Variants in MICALL2 observed in about 807,000 individuals in gnomAD.
MICALL2 encodes MICAL like 2.
A neutral mutation model predicts 91.1 loss-of-function variants in MICALL2; 111 were observed. That is an observed-to-expected ratio of 1.22 (90% CI 1.04 to 1.43). The LOEUF (loss-of-function observed/expected upper bound fraction) is 1.43. MICALL2 is among the 40% of genes most tolerant of loss of function. MICALL2 has a pLI of 0.00. For missense variants in MICALL2, 1,556 were observed against 1,236.0 expected (o/e 1.26, Z -3.88); for synonymous variants, 694 against 525.3 (o/e 1.32, Z -4.39).
At position 1,448,636 on chromosome 7, in the gene MICALL2, G is replaced by T; in HGVS notation, c.318C>A (p.Phe106Leu). ...LTYVSQYYNY[F>L]HGRSPIGGMA... ...GGGACTCACTGGGGGAGCGGCCGTG[G>T]AAGTAGTTGTAATACTGGGACACGT... The change falls in exon 3 of 17, where the codon TTC (phenylalanine) becomes TTA (leucine). Residue 106 changes from phenylalanine to leucine, a missense_variant. Physicochemically the swap from Phe to Leu is conservative, Grantham distance 22. Transcript: ENST00000297508. 1 of 1,612,674 alleles carries T rather than the reference G, an allele frequency of 6.2e-7. No individual in the cohort carries two copies.
In MICALL2 at chr7:1,445,247, T is replaced by C. The variant is rs1243408808; in HGVS notation, c.823A>G (p.Lys275Glu). The C allele has an allele frequency of 1.2e-6, 2 of 1,612,328 alleles. No homozygotes were observed. Among genetic ancestry groups the C allele is most frequent in the Admixed American group, 3.3e-5 (2 of 59,990 alleles). ...VDSRTSCSPQ[K>E]AQEANKARPS... ...CTGGCCTTGTTTGCCTCCTGGGCCT[T>C]CTGTGGGGAACAGGAGGTCCTGGAA... Residue 275 changes from lysine (K) to glutamate (E), a missense_variant, in exon 6 of 17, where the codon AAG becomes GAG. Transcript: ENST00000297508.
chr7:1,439,836 T>C, intron 9 of MICALL2, 89 bp downstream of exon 9: 4 of 1,156,314 alleles, frequency 3.5e-6, no homozygotes, highest in South Asian at 2.1e-5. Context: ...CCCCAGGAGG[T>C]GGCACTACAG....
intron 5 of MICALL2, among the ~76,000 whole-genome samples, chr7:1,445,642 G>A (rs1424558030): frequency 2.0e-5 from 3 of 152,090 alleles, no homozygotes; most frequent in Non-Finnish European, 4.4e-5. Flanking sequence ...TTCAACAAAC[G>A]CCTCTTCTCA....
At chr7:1,450,095 CG>C in intron 2 of MICALL2, 144 bp downstream of exon 2, 1 of 693,966 alleles carries the variant, frequency 1.4e-6, no homozygotes, top group South Asian at 1.7e-5. Context: ...GACGCGTTGC[CG>C]GGCTGGTCAG....
At position 1,438,166 on chromosome 7, in the gene MICALL2, C is replaced by T. The variant is rs947046267; in HGVS notation, c.2242G>A (p.Glu748Lys). ...EEIQRQLQDI[E>K]RRLDALELRG... ...AGCTCCAGGGCGTCCAGCCGCCTCT[C>T]GATGTCCTGCAGCTGCCTCTGTATC... The change falls in exon 12 of 17, where the codon GAG becomes AAG. Residue 748 changes from glutamate (E) to lysine (K), a missense_variant. Transcript: ENST00000297508. 16 of 1,566,264 alleles carry T rather than the reference C, an allele frequency of 1.0e-5. No individual in the cohort carries two copies. The highest frequency in any genetic ancestry group is 4.1e-5 in the African/African-American group (3 of 73,992).
intron 9 of MICALL2, 73 bp downstream of exon 9, chr7:1,439,852 G>T: frequency 1.5e-6 from 2 of 1,310,712 alleles, no homozygotes; most frequent in Non-Finnish European, 2.0e-6. Context: ...TACAGGTCCA[G>T]TCCCGGGGCC....
In MICALL2 at chr7:1,440,010, G is replaced by A. The variant is rs200214323; in HGVS notation, c.1881C>T (p.Ser627=). 6.4e-6 allele frequency: 10 copies of A among 1,556,690 alleles called. No individual in the cohort carries two copies. The African/African-American group carries it at 1.4e-4, about 22-fold the overall frequency. The change falls in exon 9 of 17, where the codon AGC becomes AGT. Residue 627 remains serine (S), a synonymous_variant. Coordinates refer to ENST00000297508, the MANE Select transcript of MICALL2 (RefSeq NM_182924.4). ...GGGTGATGTGGACACTCCCAGCAAA[G>A]CTGCCTGAGACCTTCCTGGGGGCCT... is the stretch of plus-strand genomic sequence containing the variant. The part of the protein sequence containing the change: ...AGEAPRKVSG[S]FAGSVHITLT...
intron 3 of MICALL2, 25 bp downstream of exon 3, chr7:1,448,595 C>T (rs907975876): frequency 1.2e-6 from 2 of 1,611,292 alleles, no homozygotes; most frequent in Admixed American, 3.3e-5. Context: ...TCCTGCCTGG[C>T]TCGGCGGGCG....
intron 1 of MICALL2, among the ~76,000 whole-genome samples, chr7:1,458,382 G>A (rs949416007): frequency 1.3e-5 from 2 of 152,220 alleles, no homozygotes; most frequent in Non-Finnish European, 2.9e-5. Context: ...CTGGGCTGCA[G>A]GTGGCCGTTG....
rs761423166 is a variant in MICALL2 at position 1,445,370 on chromosome 7, C to T, written c.700G>A (p.Gly234Ser). Reference sequence around the variant, plus strand: ...AGGTGGCTGGTGCAGACGAAGGTGCCCGGCTCTCCTGTGGCCTTGTAGGCC... The same window carrying T: ...AGGTGGCTGGTGCAGACGAAGGTGCTCGGCTCTCCTGTGGCCTTGTAGGCC... ...SGAYKATGEPGTFVCTSHLPA... is the reference protein window; with the variant it reads ...SGAYKATGEPSTFVCTSHLPA... The change falls in exon 6 of 17, where the codon GGC becomes AGC. Residue 234 changes from glycine (G) to serine (S), a missense_variant. Transcript: ENST00000297508. The T allele has an allele frequency of 6.3e-7, 1 of 1,588,354 alleles. No homozygotes were observed. The highest frequency in any genetic ancestry group is 8.5e-7 in the Non-Finnish European group (1 of 1,173,064).
At chr7:1,439,604 T>TCACG (rs1780175954) in intron 9 of MICALL2, 2 of 291,294 alleles carry the variant, frequency 6.9e-6, no homozygotes, top group Admixed American at 5.3e-5. Context: ...TACACATGCA[T>TCACG]CACACATCAC....
At position 1,444,978 on chromosome 7, in the gene MICALL2, C is replaced by T; in HGVS notation, c.1092G>A (p.Val364=). 6.6e-7 allele frequency: 1 copy of T among 1,505,968 alleles called. No homozygotes were observed. Among genetic ancestry groups the T allele is most frequent in the Non-Finnish European group, 8.9e-7 (1 of 1,127,048 alleles). The allele number at this position is 1,505,968 out of a possible 1,614,324, so 93.3% of individuals were successfully genotyped here. ...GGCGAGGGTCTGGGGCACTCGGGGG[C>T]ACGGCGGGATGGGAGGCAGCCGCTG... is the stretch of plus-strand genomic sequence containing the variant. The part of the protein sequence containing the change: ...CTAAAASHPA[V]PPSAPDPRPA... The change falls in exon 6 of 17, where the codon GTG becomes GTA. Residue 364 remains valine (V), a synonymous_variant. Coordinates refer to ENST00000297508, the MANE Select transcript of MICALL2 (RefSeq NM_182924.4).
At chr7:1,453,562 C>A (rs1321717193) in intron 1 of MICALL2, among the ~76,000 whole-genome samples, 1 of 152,144 alleles carries the variant, frequency 6.6e-6, no homozygotes, top group Non-Finnish European at 1.5e-5. Flanking sequence ...CAGGTGGACA[C>A]CCCTGTCCTT....
chr7:1,439,621 GAACA>G (rs1050001647), intron 9 of MICALL2: 13 of 323,020 alleles, frequency 4.0e-5, no homozygotes, highest in Non-Finnish European at 5.6e-5. Flanking sequence ...TCACATACAT[GAACA>G]GACACATGGA....
Position 1,434,494 on chromosome 7 carries a change from G to A in MICALL2, c.*102C>T, listed in dbSNP as rs745899125. The A allele has an allele frequency of 6.0e-5, 64 of 1,064,348 alleles. No homozygotes were observed. In the Admixed American group the frequency reaches 6.7e-4, roughly 11 times the overall value. The allele number at this position is 1,064,348 out of a possible 1,614,324, so 65.9% of individuals were successfully genotyped here. On this transcript the variant is annotated 3_prime_UTR_variant, in exon 17 of 17. Coordinates refer to ENST00000297508, the MANE Select transcript of MICALL2 (RefSeq NM_182924.4). ...AATGCCGGGTCCGGGCCGAGCCCAC[G>A]GCCCCGAGTACAAGTCCGGGTTCCG...
At chr7:1,437,429 C>T (rs1780026802) in intron 14 of MICALL2, 106 bp downstream of exon 14, 1 of 1,045,024 alleles carries the variant, frequency 9.6e-7, no homozygotes, top group Non-Finnish European at 1.3e-6. Context: ...CAGGGAAGGT[C>T]TCACCACCAG....
chr7:1,435,038 C>A (rs1779897507), intron 16 of MICALL2, 63 bp downstream of exon 16: 3 of 1,549,454 alleles, frequency 1.9e-6, no homozygotes, highest in Admixed American at 1.7e-5. Context: ...GCCAGCCCAG[C>A]ACTCAGCATC....
At position 1,444,855 on chromosome 7, in the gene MICALL2, G is replaced by C; in HGVS notation, c.1215C>G (p.Ala405=). 1 of 1,604,320 alleles carries C rather than the reference G, an allele frequency of 6.2e-7. No individual in the cohort carries two copies. The highest frequency in any genetic ancestry group is 1.1e-5 in the South Asian group (1 of 90,650). Residue 405 remains alanine (A), a synonymous_variant, in exon 6 of 17, where the codon GCC becomes GCG. Coordinates refer to ENST00000297508, the MANE Select transcript of MICALL2 (RefSeq NM_182924.4). ...GGGTCCTGGAGGCGGACGGGGTCCA[G>C]GCTGGGGGGTCCACCGTGGCTGCAG... ...STSAATVDPP[A]WTPSASRTQQ...
At chr7:1,435,219 C>G in intron 15 of MICALL2, 72 bp from the exon 16 acceptor site, 4 of 1,526,972 alleles carry the variant, frequency 2.6e-6, no homozygotes, top group African/African-American at 1.4e-5. Flanking sequence ...TCCGGACAGT[C>G]TCCAGCAGTG....
Sources: allele counts gnomAD v4.1 joint callset (sites outside exome capture counted in the v4.1 genomes callset), GRCh38; gene constraint gnomAD v4.1.1; transcripts MANE v1.5; gene names NCBI Gene and HGNC (gene_info 2026-07-23, HGNC 2026-07-21).